FHOD3: variants seen among roughly 807,000 people sequenced by gnomAD.
The protein encoded by FHOD3 is FH1/FH2 domain-containing protein 3.
A neutral mutation model predicts 173.0 loss-of-function variants in FHOD3; 90 were observed. The observed-to-expected ratio is 0.52, with a 90% CI of 0.44 to 0.62. The LOEUF is 0.62. FHOD3 is among the 20% of genes least tolerant of loss of function. The probability of loss-of-function intolerance (pLI) is 0.00; values close to 1 mark genes in which losing one functional copy is unlikely to be tolerated. For missense variants in FHOD3, 1,945 were observed against 2,034.7 expected (o/e 0.96, Z 0.85); for synonymous variants, 828 against 823.0 (o/e 1.01, Z -0.10).
chr18:36,685,588 A>G (rs2038556917), intron 15 of FHOD3, among the ~76,000 whole-genome samples: 1 of 152,206 alleles, frequency 6.6e-6, no homozygotes, highest in Non-Finnish European at 1.5e-5. Flanking sequence ...TAGTGTGGAA[A>G]GTGATGAGGT....
In FHOD3 at chr18:36,717,947, T is replaced by A. The variant is rs1200258812; in HGVS notation, c.2649T>A (p.Asp883Glu). The A allele has an allele frequency of 6.2e-7, 1 of 1,613,734 alleles. No homozygotes were observed. Among genetic ancestry groups the A allele is most frequent in the South Asian group, 1.1e-5 (1 of 91,042 alleles). Residue 883 changes from aspartate to glutamate, a missense_variant, in exon 19 of 29, where the codon GAT becomes GAA. By Grantham distance (45) the Asp-to-Glu change is conservative. This residue lies in a region of FHOD3 where 1,099 missense variants were observed against 1,051.2 expected (regional missense o/e 1.05). Transcript: ENST00000590592. ...MLYAHNRKSP[D>E]DEEKGDGEAG... is the part of the protein sequence containing the mutation. ...ATGCCCATAACAGGAAGTCTCCGGA[T>A]GATGAGGAGAAGGGGGATGGGGAGG...
intron 28 of FHOD3, among the ~76,000 whole-genome samples, chr18:36,772,056 T>C (rs2043409989): frequency 6.6e-6 from 1 of 152,248 alleles, no homozygotes; most frequent in Non-Finnish European, 1.5e-5. Flanking sequence ...GCCAGAGAGA[T>C]GTTTTGCCTG....
chr18:36,629,324 A>G (rs978334053), intron 10 of FHOD3, among the ~76,000 whole-genome samples: 5 of 152,232 alleles, frequency 3.3e-5, no homozygotes, highest in African/African-American at 1.2e-4. Flanking sequence ...TTCCAGTGAC[A>G]TTTTATTTAT....
intron 3 of FHOD3, among the ~76,000 whole-genome samples, chr18:36,456,749 G>A (rs1421395344): frequency 6.6e-6 from 1 of 152,076 alleles, no homozygotes; most frequent in Non-Finnish European, 1.5e-5. Context: ...CTTCTGGAGA[G>A]AGCCTTGCTT....
chr18:36,482,854 CACACAGAGAGAGAG>C (rs1372898995), intron 3 of FHOD3, among the ~76,000 whole-genome samples: 14 of 97,956 alleles, frequency 1.4e-4, no homozygotes, highest in African/African-American at 4.1e-4. Context: ...CACTCACACA[CACACAGAGAGAGAG>C]AGAGAGAGAG....
intron 3 of FHOD3, among the ~76,000 whole-genome samples, chr18:36,389,849 G>A (rs1340215609): frequency 6.6e-6 from 1 of 152,146 alleles, no homozygotes; most frequent in Non-Finnish European, 1.5e-5. Context: ...GAGTAGGGCA[G>A]GCTCAGCCCT....
chr18:36,326,491 G>A (rs2044677162), intron 1 of FHOD3, among the ~76,000 whole-genome samples: 1 of 152,176 alleles, frequency 6.6e-6, no homozygotes, highest in African/African-American at 2.4e-5. Flanking sequence ...TTCAGGTCAG[G>A]CGCGGTTGCT....
intron 17 of FHOD3, among the ~76,000 whole-genome samples, chr18:36,707,746 G>T (rs570370160): frequency 1.4e-3 from 206 of 152,244 alleles, no homozygotes; most frequent in African/African-American, 4.9e-3. Context: ...ACCTGGTGCC[G>T]CAGGATGCCT....
At chr18:36,543,172 C>T (rs1275024207) in intron 5 of FHOD3, among the ~76,000 whole-genome samples, 1 of 152,166 alleles carries the variant, frequency 6.6e-6, no homozygotes, top group African/African-American at 2.4e-5. Flanking sequence ...TTCAGCCTGC[C>T]AGCCTACCCT....
intron 7 of FHOD3, 124 bp downstream of exon 7, chr18:36,595,022 C>T: frequency 1.6e-6 from 1 of 618,294 alleles, no homozygotes; most frequent in Non-Finnish European, 2.8e-6. Flanking sequence ...GGACTTCCCA[C>T]TGCAAGAAAC....
chr18:36,440,410 G>T (rs2051068301), intron 3 of FHOD3, among the ~76,000 whole-genome samples: 3 of 152,344 alleles, frequency 2.0e-5, no homozygotes, highest in Admixed American at 1.3e-4. Context: ...CTTATTTGAG[G>T]AGCTCCTTGA....
rs577910083 is a variant in FHOD3, at chr18:36,637,384, A to G, written c.1196+11635A>G. ...AGTGACACAATCTCAGCTCACTGCA[A>G]CCTCCGCCTCCTGAGTTCATGTGAG... is the stretch of plus-strand genomic sequence containing the variant. On this transcript the variant is annotated intron_variant, in intron 10 of 28. Coordinates refer to ENST00000590592, the MANE Select transcript of FHOD3 (RefSeq NM_001281740.3). Among the ~76,000 whole-genome samples the G allele has an allele frequency of 2.6e-5, 4 of 152,106 alleles. No homozygotes were observed. In the East Asian group the frequency reaches 5.8e-4, roughly 22 times the overall value.
At chr18:36,431,512 T>C (rs2050549837) in intron 3 of FHOD3, among the ~76,000 whole-genome samples, 1 of 152,098 alleles carries the variant, frequency 6.6e-6, no homozygotes, top group Non-Finnish European at 1.5e-5. Context: ...CCTTTGTGGG[T>C]AGAGGTTGCT....
Position 36,718,382 on chromosome 18 carries a change from C to CCCCCCTTGGGTT in FHOD3, c.3084_3085insCCCCCTTGGGTT (p.Thr1028_Phe1029insProProTrpVal). 6.7e-7 allele frequency: 1 copy of CCCCCCTTGGGTT among 1,495,076 alleles called. No individual in the cohort carries two copies. The highest frequency in any genetic ancestry group is 2.0e-5 in the Admixed American group (1 of 50,238). The allele number at this position is 1,495,076 out of a possible 1,614,324, so 92.6% of individuals were successfully genotyped here. ...GGCCACCTCCCCCACCCCCACCCAC[C>CCCCCCTTGGGTT]TTTCTGGGTTTGCCGCCCCCACCCC... On this transcript the variant is annotated inframe_insertion, in exon 19 of 29. Transcript: ENST00000590592.
At chr18:36,489,257 G>T (rs1016863642) in intron 3 of FHOD3, among the ~76,000 whole-genome samples, 3 of 151,962 alleles carry the variant, frequency 2.0e-5, no homozygotes, top group African/African-American at 7.2e-5. Context: ...TGTTTGTTTA[G>T]GAAGCCTCCT....
At chr18:36,446,912 C>A (rs1223820213) in intron 3 of FHOD3, among the ~76,000 whole-genome samples, 3 of 152,086 alleles carry the variant, frequency 2.0e-5, no homozygotes, top group Non-Finnish European at 4.4e-5. Flanking sequence ...AAGAGGAGGG[C>A]TGACTGGGGT....
At chr18:36,682,010 A>G (rs1247515811) in intron 15 of FHOD3, among the ~76,000 whole-genome samples, 1 of 152,184 alleles carries the variant, frequency 6.6e-6, no homozygotes, top group African/African-American at 2.4e-5. Flanking sequence ...TTTTGTAAAC[A>G]ATAATCTCTT....
intron 10 of FHOD3, among the ~76,000 whole-genome samples, chr18:36,642,894 AT>A (rs147521132): frequency 1.6e-4 from 24 of 147,264 alleles, no homozygotes; most frequent in African/African-American, 3.5e-4. Flanking sequence ...TTTTTTCAGT[AT>A]TTTTTTTTTA....
chr18:36,472,789 C>T (rs940729485), intron 3 of FHOD3, among the ~76,000 whole-genome samples: 2 of 152,146 alleles, frequency 1.3e-5, no homozygotes, highest in African/African-American at 4.8e-5. Flanking sequence ...CATGTATATG[C>T]CACATTGCAT....
Sources: allele counts gnomAD v4.1 joint callset (sites outside exome capture counted in the v4.1 genomes callset), GRCh38; gene constraint gnomAD v4.1.1; regional missense constraint gnomAD v4.1.1; transcripts MANE v1.5; gene names NCBI Gene and HGNC (gene_info 2026-07-23, HGNC 2026-07-21).